Variants in TRARG1 observed in about 807,000 individuals in gnomAD.
TRARG1 encodes trafficking regulator of GLUT4 (SLC2A4) 1 (gene/pseudogene).
In TRARG1, 16 loss-of-function variants were observed where a neutral mutation model predicts 13.3. The ratio of observed to expected loss-of-function variants is 1.20; its 90% CI spans 0.81 to 1.83. The LOEUF is 1.83. TRARG1 is among the 40% of genes most tolerant of loss of function. The pLI, the probability that TRARG1 is intolerant of heterozygous loss-of-function variation, is 0.00. For missense variants in TRARG1, 250 were observed against 237.4 expected, an observed-to-expected ratio of 1.05 and a Z score of -0.35; for synonymous variants, 113 against 106.2, an observed-to-expected ratio of 1.06 and a Z score of -0.39.
At chr17:1,294,002 C>T (rs2072093194) in intron 1 of TRARG1, among the ~76,000 whole-genome samples, 1 of 152,180 alleles carries the variant, frequency 6.6e-6, no homozygotes, top group African/African-American at 2.4e-5. Flanking sequence ...TCATCATCAT[C>T]GTCTTCTTCT....
intron 1 of TRARG1, among the ~76,000 whole-genome samples, chr17:1,285,528 A>T (rs974493390): frequency 3.9e-5 from 6 of 152,008 alleles, no homozygotes; most frequent in African/African-American, 1.5e-4. Flanking sequence ...AACATGGTGA[A>T]ACCTCATCTC....
intron 1 of TRARG1, among the ~76,000 whole-genome samples, chr17:1,282,194 G>GCGTATATGTACGTA (rs2071982685): frequency 7.9e-6 from 1 of 125,842 alleles, no homozygotes; most frequent in Non-Finnish European, 1.7e-5. Flanking sequence ...ATATGTACGT[G>GCGTATATGTACGTA]TACACGTGCG....
intron 1 of TRARG1, among the ~76,000 whole-genome samples, chr17:1,291,010 A>G (rs2072065190): frequency 6.6e-6 from 1 of 151,230 alleles, no homozygotes; most frequent in East Asian, 1.9e-4. Flanking sequence ...GGTTCCAGCG[A>G]TTCTCCTGCC....
intron 2 of TRARG1, 60 bp downstream of exon 2, chr17:1,295,683 G>A: frequency 1.3e-6 from 2 of 1,527,388 alleles, no homozygotes; most frequent in South Asian, 1.3e-5. Context: ...GACTGCTCAA[G>A]GGTGTACCCA....
chr17:1,295,329 C>T (rs906023328), intron 1 of TRARG1, among the ~76,000 whole-genome samples, 162 bp from the exon 2 acceptor site: 4 of 152,220 alleles, frequency 2.6e-5, no homozygotes, highest in South Asian at 2.1e-4. Context: ...GCCACTTCTC[C>T]GGGGACAGCC....
At chr17:1,285,635 C>G (rs760935245) in intron 1 of TRARG1, among the ~76,000 whole-genome samples, 1 of 151,320 alleles carries the variant, frequency 6.6e-6, no homozygotes, top group South Asian at 2.1e-4. Flanking sequence ...AACCAGGACT[C>G]GGGAGGCAGA....
rs2071993316 is a variant in TRARG1 at position 1,282,812 on chromosome 17, C to T, written c.387+2424C>T. Among the ~76,000 whole-genome samples, 3 of 152,094 alleles carry T rather than the reference C, an allele frequency of 2.0e-5. No homozygotes were observed. The South Asian group carries it at 6.2e-4, about 32-fold the overall frequency. On this transcript the variant is annotated intron_variant, in intron 1 of 2. Transcript: ENST00000333813. Reference sequence around the variant, plus strand: ...TCATGCAATTCTCCTGCCTCAGCCTCCCAAGTAGCTGGCATTACAGGCGCT... The same window carrying T: ...TCATGCAATTCTCCTGCCTCAGCCTTCCAAGTAGCTGGCATTACAGGCGCT...
chr17:1,282,343 C>CATATGCGTAT (rs1208552679), intron 1 of TRARG1, among the ~76,000 whole-genome samples: 22 of 151,286 alleles, frequency 1.5e-4, no homozygotes, highest in Non-Finnish European at 2.8e-4. Context: ...CGTATATGTA[C>CATATGCGTAT]ATATGCGTAT....
At position 1,299,294 on chromosome 17, in the gene TRARG1, C is replaced by T. The variant is rs931487090; in HGVS notation, c.*1030C>T. ...TCCCTGGAGGAGGCTTTGGGACCAC[C>T]CCTGGGGGGACTTCCCAAAGGGTCC... On this transcript the variant is annotated 3_prime_UTR_variant, in exon 3 of 3. Transcript: ENST00000333813. The T allele has an allele frequency of 6.6e-6, 1 of 152,356 alleles. No homozygotes were observed. Among genetic ancestry groups the T allele is most frequent in the Non-Finnish European group, 1.5e-5 (1 of 68,180 alleles). The allele number at this position is 152,356 out of a possible 1,614,324, so 9.4% of individuals were successfully genotyped here. A position where few individuals can be genotyped will look rare whatever the true frequency, so the allele number is the denominator to read the frequency against.
intron 1 of TRARG1, among the ~76,000 whole-genome samples, chr17:1,280,592 C>G (rs977045987): frequency 6.6e-6 from 1 of 152,170 alleles, no homozygotes; most frequent in African/African-American, 2.4e-5. Context: ...GCTCTGTTCT[C>G]TCATCTCTGC....
At chr17:1,284,732 G>C (rs993207904) in intron 1 of TRARG1, among the ~76,000 whole-genome samples, 5 of 151,962 alleles carry the variant, frequency 3.3e-5, no homozygotes, top group Non-Finnish European at 7.4e-5. Flanking sequence ...CCAGGCTGGA[G>C]TGCAGTGGCG....
Position 1,279,959 on chromosome 17 carries a change from T to C in TRARG1, c.-43T>C, listed in dbSNP as rs950416297. ...CGCGCTGAGGTCCCTCCAGAGCCCC[T>C]TGTCCCAGCCTGGAGCTGCAGCCGC... On this transcript the variant is annotated 5_prime_UTR_variant, in exon 1 of 3. Coordinates refer to ENST00000333813, the MANE Select transcript of TRARG1 (RefSeq NM_172367.3). 2.5e-6 allele frequency: 4 copies of C among 1,572,014 alleles called. No individual in the cohort carries two copies. The African/African-American group carries it at 4.1e-5, about 16-fold the overall frequency.
chr17:1,290,687 G>A (rs529411529), intron 1 of TRARG1, among the ~76,000 whole-genome samples: 10 of 152,050 alleles, frequency 6.6e-5, no homozygotes, highest in East Asian at 1.9e-4. Flanking sequence ...CCATCTCTTC[G>A]TCTGTAAAAT....
rs1346740138 is a variant in TRARG1 at position 1,299,762 on chromosome 17, C to A, written c.*1498C>A. ...CATGGGAAGGGCTCCCAGCCACACC[C>A]AGAGTGGCCCAAAGCTGTTGAAGTC... On this transcript the variant is annotated 3_prime_UTR_variant, in exon 3 of 3. Transcript: ENST00000333813. The A allele has an allele frequency of 6.6e-6, 1 of 152,580 alleles. No homozygotes were observed. Among genetic ancestry groups the A allele is most frequent in the Non-Finnish European group, 1.5e-5 (1 of 68,350 alleles). 9.5% of individuals were successfully genotyped at this position (152,580 alleles called of 1,614,324 possible). A position where few individuals can be genotyped will look rare whatever the true frequency, so the allele number is the denominator to read the frequency against.
chr17:1,295,757 C>T, intron 2 of TRARG1, 134 bp downstream of exon 2: 6 of 1,033,342 alleles, frequency 5.8e-6, no homozygotes, highest in Admixed American at 2.8e-5. Context: ...CCGGCCTTAT[C>T]CTCCCAGTCC....
chr17:1,288,489 T>A (rs1306907667), intron 1 of TRARG1, among the ~76,000 whole-genome samples: 3 of 24,280 alleles, frequency 1.2e-4, no homozygotes, highest in African/African-American at 3.8e-4. Context: ...CCATCCCCCA[T>A]GGGTTTCCCA....
At chr17:1,287,261 G>C (rs886778769) in intron 1 of TRARG1, among the ~76,000 whole-genome samples, 27 of 151,432 alleles carry the variant, frequency 1.8e-4, no homozygotes, top group African/African-American at 6.3e-4. Flanking sequence ...AGTTGAGGGA[G>C]CCCAGTGTTG....
intron 1 of TRARG1, among the ~76,000 whole-genome samples, chr17:1,294,527 C>T (rs1194370658): frequency 9.1e-5 from 13 of 142,128 alleles, no homozygotes; most frequent in East Asian, 6.1e-4. Context: ...AGTGCAATGG[C>T]GCAATCTTGG....
chr17:1,289,976 C>A (rs528023631), intron 1 of TRARG1, among the ~76,000 whole-genome samples: 1 of 151,938 alleles, frequency 6.6e-6, no homozygotes, highest in African/African-American at 2.4e-5. Flanking sequence ...CCGGAATCGT[C>A]TGAATCATGT....
Sources: allele counts gnomAD v4.1 joint callset (sites outside exome capture counted in the v4.1 genomes callset), GRCh38; gene constraint gnomAD v4.1.1; transcripts MANE v1.5; gene names NCBI Gene and HGNC (gene_info 2026-07-23, HGNC 2026-07-21).